The following POSTN variants were observed in gnomAD, a reference collection of about 807,000 sequenced individuals.
The protein encoded by POSTN is periostin, also known as osteoblast specific factor 2 (fasciclin I-like).
In POSTN, 71 loss-of-function variants were observed where a neutral mutation model predicts 104.5. That is an observed-to-expected ratio of 0.68 (90% CI 0.56 to 0.83). The LOEUF (loss-of-function observed/expected upper bound fraction) is 0.83, where lower values mean the gene tolerates loss of function less well. POSTN is among the 40% of genes least tolerant of loss of function. POSTN has a pLI of 0.00. For synonymous variants in POSTN, 355 were observed against 340.7 expected, an observed-to-expected ratio of 1.04 and a Z score of -0.46; for missense variants, 949 against 1,006.8, an observed-to-expected ratio of 0.94 and a Z score of 0.78.
intron 16 of POSTN, 33 bp from the exon 17 acceptor site, chr13:37,574,685 T>C (rs1300271025): frequency 1.3e-6 from 2 of 1,556,750 alleles, no homozygotes; most frequent in Non-Finnish European, 1.7e-6. Flanking sequence ...ATGAAAAATA[T>C]TTACATAAAA....
Position 37,564,573 on chromosome 13 carries a change from T to A in POSTN, c.2432-13A>T, listed in dbSNP as rs1188848276. The A allele has an allele frequency of 6.3e-7, 1 of 1,579,368 alleles. No individual in the cohort carries two copies. The highest frequency in any genetic ancestry group is 8.7e-7 in the Non-Finnish European group (1 of 1,151,258). On this transcript the variant is annotated splice_polypyrimidine_tract_variant and intron_variant, in intron 21 of 22. Transcript: ENST00000379747. The stretch of plus-strand genomic sequence containing the variant: ...CTCACGGGTGTGTCTAAAATTAAAT[T>A]GTTGTAGTTAGAAATACTTCGCAAT...
chr13:37,586,563 C>T lies in POSTN; in HGVS notation c.753+219G>A, dbSNP rs539881632. Reference sequence around the variant, plus strand: ...ACACGTTCTAAATGAGCTAAATACACGCCAGTCATGTGACTAACCATTCTT... The same window carrying T: ...ACACGTTCTAAATGAGCTAAATACATGCCAGTCATGTGACTAACCATTCTT... On this transcript the variant is annotated intron_variant, in intron 6 of 22. Coordinates refer to ENST00000379747, the MANE Select transcript of POSTN (RefSeq NM_006475.3). 4.6e-5 allele frequency among the ~76,000 whole-genome samples: 7 copies of T among 152,228 alleles called. No homozygotes were observed. In the South Asian group the frequency reaches 6.2e-4, roughly 14 times the overall value.
At position 37,580,567 on chromosome 13, in the gene POSTN, C is replaced by G; in HGVS notation, c.1523G>C (p.Arg508Pro). 3 of 1,613,966 alleles carry G rather than the reference C, an allele frequency of 1.9e-6. No individual in the cohort carries two copies. The South Asian group carries it at 3.3e-5, about 18-fold the overall frequency. The change falls in exon 11 of 23, where the codon CGC becomes CCC. Residue 508 changes from arginine to proline, a missense_variant. Physicochemically the swap from Arg to Pro is moderately radical, Grantham distance 103. Transcript: ENST00000379747. ...GTGCCACTAATAGGCTTACCTAAAG[C>G]GCTTATCTTGTTTTAACTTTTCATG... Reference protein sequence around the residue: ...SLHEKLKQDKRFSTFLSLLEA... With the variant: ...SLHEKLKQDKPFSTFLSLLEA...
intron 1 of POSTN, 34 bp from the exon 2 acceptor site, chr13:37,597,316 T>C (rs940343040): frequency 7.1e-7 from 1 of 1,399,486 alleles, no homozygotes; most frequent in Non-Finnish European, 9.8e-7. Flanking sequence ...AAAGTTAATG[T>C]CCTAATAATG....
chr13:37,582,312 G>A, intron 10 of POSTN, 54 bp downstream of exon 10: 1 of 1,523,144 alleles, frequency 6.6e-7, no homozygotes, highest in Non-Finnish European at 8.9e-7. Context: ...CATTGAAACA[G>A]CATTATTTGA....
chr13:37,568,502 T>C (rs1213321445), intron 21 of POSTN, among the ~76,000 whole-genome samples: 1 of 152,012 alleles, frequency 6.6e-6, no homozygotes, highest in African/African-American at 2.4e-5. Flanking sequence ...AAAGTGCCTA[T>C]TTGGTTTTTC....
intron 5 of POSTN, 92 bp from the exon 6 acceptor site, chr13:37,587,020 T>A: frequency 1.8e-6 from 2 of 1,086,182 alleles, no homozygotes; most frequent in Non-Finnish European, 2.7e-6. Context: ...TCATTTATAC[T>A]AGTAAATGTA....
intron 2 of POSTN, among the ~76,000 whole-genome samples, chr13:37,595,640 T>A (rs1365622660): frequency 6.6e-6 from 1 of 152,116 alleles, no homozygotes; most frequent in Non-Finnish European, 1.5e-5. Flanking sequence ...CATCTATGCA[T>A]TTGTTTAAAA....
chr13:37,583,941 A>G (rs1397867353), intron 9 of POSTN, 28 bp downstream of exon 9: 7 of 1,593,066 alleles, frequency 4.4e-6, no homozygotes, highest in Non-Finnish European at 6.0e-6. Flanking sequence ...GTAGGCAGAG[A>G]GCAGGAACAA....
chr13:37,577,900 A>G, intron 15 of POSTN, 102 bp from the exon 16 acceptor site: 1 of 1,528,996 alleles, frequency 6.5e-7, no homozygotes. Context: ...TAGTGAAGCT[A>G]TTATTACACT....
intron 2 of POSTN, among the ~76,000 whole-genome samples, chr13:37,595,149 A>G (rs554660316): frequency 1.3e-5 from 2 of 152,092 alleles, no homozygotes; most frequent in South Asian, 4.1e-4. Context: ...AATTTATGGC[A>G]TTCTTCTCTA....
At chr13:37,582,687 C>T (rs1020511491) in intron 9 of POSTN, among the ~76,000 whole-genome samples, 173 bp from the exon 10 acceptor site, 1 of 152,134 alleles carries the variant, frequency 6.6e-6, no homozygotes, top group Non-Finnish European at 1.5e-5. Context: ...ATTCAATTCA[C>T]CAAGTAGAAA....
chr13:37,586,175 G>A lies in POSTN; in HGVS notation c.859C>T (p.Leu287=). 8 of 1,613,632 alleles carry A rather than the reference G, an allele frequency of 5.0e-6. No homozygotes were observed. The highest frequency in any genetic ancestry group is 6.8e-6 in the Non-Finnish European group (8 of 1,179,704). ...ACTTTGTCTCCCATGATCCTTTCTAGGACACCTCGTGGAAGTTTCTCAAAA... is the reference window on the plus strand; with the variant it reads ...ACTTTGTCTCCCATGATCCTTTCTAAGACACCTCGTGGAAGTTTCTCAAAA... ...EAFEKLPRGV[L]ERIMGDKVAS... is the part of the protein sequence containing the mutation. Residue 287 remains leucine (L), a synonymous_variant, in exon 7 of 23, where the codon CTA becomes TTA. Transcript: ENST00000379747.
At chr13:37,590,713 A>G (rs1470411609) in intron 3 of POSTN, among the ~76,000 whole-genome samples, 184 bp from the exon 4 acceptor site, 5 of 151,816 alleles carry the variant, frequency 3.3e-5, no homozygotes, top group Non-Finnish European at 4.4e-5. Flanking sequence ...AATGCTACTG[A>G]AAAACATTAT....
At chr13:37,569,155 C>A in intron 21 of POSTN, 145 bp downstream of exon 21, 1 of 573,870 alleles carries the variant, frequency 1.7e-6, no homozygotes, top group Non-Finnish European at 3.1e-6. Flanking sequence ...ACCATTGAAC[C>A]AATCCATCTA....
chr13:37,594,160 T>G (rs1410856099), intron 2 of POSTN, among the ~76,000 whole-genome samples: 1 of 152,112 alleles, frequency 6.6e-6, no homozygotes, highest in Non-Finnish European at 1.5e-5. Flanking sequence ...AAAGATTGAT[T>G]AACAATTGCT....
In POSTN at chr13:37,582,948, T is replaced by C. The variant is rs190227669; in HGVS notation, c.1244-434A>G. Among the ~76,000 whole-genome samples the C allele has an allele frequency of 1.1e-3, 172 of 152,334 alleles. 3 individuals carry two copies. The highest frequency in any genetic ancestry group is 0.011 in the Admixed American group (170 of 15,286). On this transcript the variant is annotated intron_variant, in intron 9 of 22. Transcript: ENST00000379747. ...CAAACAACCTCTTAAATATGGGTTATTGTCAAAACACATGGGCAGGATTAT... is the reference window on the plus strand; with the variant it reads ...CAAACAACCTCTTAAATATGGGTTACTGTCAAAACACATGGGCAGGATTAT...
chr13:37,590,908 T>C (rs1159969696), intron 3 of POSTN, among the ~76,000 whole-genome samples: 5 of 152,192 alleles, frequency 3.3e-5, no homozygotes, highest in Non-Finnish European at 5.9e-5. Context: ...CTGCTTGTTT[T>C]CATTACAATT....
At chr13:37,582,828 G>C (rs1463877305) in intron 9 of POSTN, among the ~76,000 whole-genome samples, 1 of 152,142 alleles carries the variant, frequency 6.6e-6, no homozygotes, top group Admixed American at 6.5e-5. Context: ...GGTGGCCAAG[G>C]CTTTGTCTGA....
Sources: allele counts gnomAD v4.1 joint callset (sites outside exome capture counted in the v4.1 genomes callset), GRCh38; gene constraint gnomAD v4.1.1; transcripts MANE v1.5; gene names NCBI Gene and HGNC (gene_info 2026-07-23, HGNC 2026-07-21).